The following CCDC149 variants were observed in gnomAD, a reference collection of about 807,000 sequenced individuals.
The protein encoded by CCDC149 is coiled-coil domain-containing protein 149.
CCDC149 carries 45 observed loss-of-function variants against 59.9 expected under a neutral mutation model. The observed-to-expected ratio is 0.75, with a 90% CI of 0.59 to 0.96. The LOEUF (loss-of-function observed/expected upper bound fraction) is 0.96. CCDC149 is among the 40% of genes least tolerant of loss of function. CCDC149 has a pLI of 0.00. For synonymous variants in CCDC149, 245 were observed against 260.6 expected, an observed-to-expected ratio of 0.94 and a Z score of 0.58; for missense variants, 584 against 664.7, an observed-to-expected ratio of 0.88 and a Z score of 1.33.
At chr4:24,834,155 G>A (rs1716343115) in intron 8 of CCDC149, among the ~76,000 whole-genome samples, 1 of 152,186 alleles carries the variant, frequency 6.6e-6, no homozygotes, top group African/African-American at 2.4e-5. Context: ...AGCCTTGGTT[G>A]TTATGTAGGC....
chr4:24,824,953 C>A (rs1359630763), intron 9 of CCDC149, among the ~76,000 whole-genome samples: 1 of 152,222 alleles, frequency 6.6e-6, no homozygotes, highest in Non-Finnish European at 1.5e-5. Context: ...CAAAGAGGAT[C>A]TCTGTTAGCT....
chr4:24,845,232 C>T (rs1018646344), intron 4 of CCDC149, among the ~76,000 whole-genome samples: 1 of 152,222 alleles, frequency 6.6e-6, no homozygotes, highest in Non-Finnish European at 1.5e-5. Context: ...TAAGCTCGCT[C>T]CCCTCACAGG....
In CCDC149 at chr4:24,937,255, A is replaced by G. The variant is rs137915023; in HGVS notation, c.-64-42137T>C. 2.0e-3 allele frequency among the ~76,000 whole-genome samples: 298 copies of G among 152,336 alleles called. 1 individual carries two copies. The highest frequency in any genetic ancestry group is 3.3e-3 in the Non-Finnish European group (224 of 68,028). ...GAGGGGTGGAAGGAGGTACAGTGGT[A>G]TTCCTTTTGTAGCATAAATAGTCTG... On this transcript the variant is annotated intron_variant, in intron 1 of 12. Coordinates refer to the CCDC149 transcript ENST00000389609.
intron 12 of CCDC149, among the ~76,000 whole-genome samples, chr4:24,815,360 T>C (rs899875675): frequency 1.6e-4 from 24 of 152,284 alleles, no homozygotes; most frequent in African/African-American, 5.8e-4. Flanking sequence ...TACTCACAGA[T>C]GAAAATTTTT....
At chr4:24,870,059 G>GT (rs1718942746) in intron 3 of CCDC149, among the ~76,000 whole-genome samples, 1 of 152,192 alleles carries the variant, frequency 6.6e-6, no homozygotes, top group Non-Finnish European at 1.5e-5. Flanking sequence ...GATACTAAAT[G>GT]TAAGAGGAAG....
chr4:24,851,727 T>C (rs1717670159), intron 4 of CCDC149, among the ~76,000 whole-genome samples: 1 of 152,198 alleles, frequency 6.6e-6, no homozygotes. Flanking sequence ...TACATTTTGT[T>C]TTATTCTCTA....
intron 9 of CCDC149, chr4:24,830,347 CT>C (rs1716059359): frequency 1.3e-5 from 2 of 152,334 alleles, no homozygotes; most frequent in African/African-American, 4.8e-5. Flanking sequence ...CAGCATCTGA[CT>C]TTTCATTCCT....
At chr4:24,875,073 G>A (rs531749407) in intron 2 of CCDC149, among the ~76,000 whole-genome samples, 1 of 152,272 alleles carries the variant, frequency 6.6e-6, no homozygotes, top group Non-Finnish European at 1.5e-5. Context: ...CCTTGGGAGG[G>A]CGAGGCGGGC....
At chr4:24,922,931 T>C (rs1385143118) in intron 1 of CCDC149, among the ~76,000 whole-genome samples, 1 of 152,192 alleles carries the variant, frequency 6.6e-6, no homozygotes, top group Non-Finnish European at 1.5e-5. Flanking sequence ...TTTTTTTTAT[T>C]GATTTTCCAT....
At chr4:24,922,010 T>G (rs55783638) in intron 1 of CCDC149, among the ~76,000 whole-genome samples, 16,864 of 152,186 alleles carry the variant, frequency 0.11, 1,016 homozygotes, top group African/African-American at 0.15. Flanking sequence ...TCCAAGGGCT[T>G]TGAGAGAAGG....
chr4:24,883,359 G>A (rs184988965), intron 1 of CCDC149, among the ~76,000 whole-genome samples: 13 of 148,334 alleles, frequency 8.8e-5, no homozygotes, highest in African/African-American at 2.7e-4. Context: ...CTTACAAGCC[G>A]CCATTTTAAA....
At chr4:24,817,356 C>A (rs1052667101) in intron 12 of CCDC149, among the ~76,000 whole-genome samples, 2 of 152,118 alleles carry the variant, frequency 1.3e-5, no homozygotes, top group African/African-American at 4.8e-5. Context: ...AAAGACCCAG[C>A]CTTGCTTTCT....
chr4:24,900,223 T>C (rs1030875237), intron 1 of CCDC149, among the ~76,000 whole-genome samples: 1 of 152,216 alleles, frequency 6.6e-6, no homozygotes, highest in African/African-American at 2.4e-5. Context: ...GCTCACTATG[T>C]AACTGGCACA....
At chr4:24,916,787 G>GGTGTGTGTGT (rs55857592), upstream of CCDC149, among the ~76,000 whole-genome samples, 7,523 of 141,906 alleles carry the variant, frequency 0.053, 226 homozygotes, top group Middle Eastern at 0.089. Context: ...GGTTTATAAT[G>GGTGTGTGTGT]GTGTGTGTGT....
intron 1 of CCDC149, among the ~76,000 whole-genome samples, chr4:24,966,151 G>A (rs1172957958): frequency 1.3e-5 from 2 of 152,170 alleles, no homozygotes; most frequent in African/African-American, 2.4e-5. Context: ...AGGTGAGTAC[G>A]TGGTTGGCAC....
chr4:24,890,838 C>T (rs1401362764), intron 1 of CCDC149, among the ~76,000 whole-genome samples: 5 of 152,212 alleles, frequency 3.3e-5, no homozygotes, highest in African/African-American at 7.2e-5. Context: ...TGAAATCAGC[C>T]GTGCAAATCC....
At chr4:24,852,942 C>T in intron 4 of CCDC149, 130 bp downstream of exon 4, 1 of 654,724 alleles carries the variant, frequency 1.5e-6, no homozygotes, top group Non-Finnish European at 2.6e-6. Flanking sequence ...TGCGAATTTT[C>T]ATTATAAATT....
intron 1 of CCDC149, among the ~76,000 whole-genome samples, chr4:24,958,601 C>T (rs553314711): frequency 6.6e-6 from 1 of 152,256 alleles, no homozygotes; most frequent in Non-Finnish European, 1.5e-5. Context: ...AAAGACTCAA[C>T]TCTAACTTCC....
chr4:24,901,756 T>A (rs1323994439), intron 1 of CCDC149, among the ~76,000 whole-genome samples: 4 of 152,136 alleles, frequency 2.6e-5, no homozygotes, highest in Non-Finnish European at 4.4e-5. Flanking sequence ...ACCAAACTCA[T>A]ATCTCCTAAC....
Sources: gnomAD v4.1 joint callset for allele counts (sites outside exome capture counted in the v4.1 genomes callset) on GRCh38, gnomAD v4.1.1 for gene constraint, MANE v1.5 for transcripts, NCBI Gene and HGNC (gene_info 2026-07-23, HGNC 2026-07-21) for gene names.